APBB1IP: variants seen among roughly 807,000 people sequenced by gnomAD.
The protein encoded by APBB1IP is amyloid beta A4 precursor protein-binding family B member 1-interacting protein.
APBB1IP carries 27 observed loss-of-function variants against 64.9 expected under a neutral mutation model. The ratio of observed to expected loss-of-function variants is 0.42; its 90% confidence interval spans 0.31 to 0.57. The LOEUF (loss-of-function observed/expected upper bound fraction) is 0.57. Among genes scored for constraint, APBB1IP ranks in the 20% least tolerant of loss-of-function variants. APBB1IP has a pLI of 0.20. For missense variants in APBB1IP, 812 were observed against 845.5 expected (o/e 0.96, Z 0.49); for synonymous variants, 392 against 331.0 (o/e 1.18, Z -2.00).
At position 26,503,279 on chromosome 10, in the gene APBB1IP, A is replaced by G; in HGVS notation, c.531+5A>G. The G allele has an allele frequency of 6.2e-7, 1 of 1,613,980 alleles. No individual in the cohort carries two copies. Among genetic ancestry groups the G allele is most frequent in the East Asian group, 2.2e-5 (1 of 44,858 alleles). ...AAGGAGGCCAAGGTTAAGAAGGTGA[A>G]TCATGAATCCCTTTTGCATGGGGGC... On this transcript the variant is annotated splice_donor_5th_base_variant and intron_variant, in intron 6 of 14. Coordinates refer to ENST00000376236, the MANE Select transcript of APBB1IP (RefSeq NM_019043.4).
At chr10:26,465,255 T>C (rs1465652908) in intron 2 of APBB1IP, among the ~76,000 whole-genome samples, 1 of 152,246 alleles carries the variant, frequency 6.6e-6, no homozygotes, top group Admixed American at 6.5e-5. Flanking sequence ...GAGCATAAAA[T>C]GTGATCAGAT....
At chr10:26,474,346 T>C (rs1835752888) in intron 2 of APBB1IP, among the ~76,000 whole-genome samples, 1 of 152,202 alleles carries the variant, frequency 6.6e-6, no homozygotes, top group African/African-American at 2.4e-5. Flanking sequence ...CTTCATTGCT[T>C]GGAATCTTTA....
intron 8 of APBB1IP, among the ~76,000 whole-genome samples, chr10:26,516,823 G>A (rs1836337340): frequency 6.6e-6 from 1 of 152,150 alleles, no homozygotes; most frequent in African/African-American, 2.4e-5. Context: ...ATTCCTTTTG[G>A]CAGCGTGAAC....
intron 8 of APBB1IP, among the ~76,000 whole-genome samples, chr10:26,528,519 G>T (rs1218256225): frequency 1.3e-5 from 2 of 152,146 alleles, no homozygotes; most frequent in Non-Finnish European, 2.9e-5. Flanking sequence ...TCTCTAGACT[G>T]TGGCTCATTT....
At chr10:26,533,010 G>A (rs1836573671) in intron 8 of APBB1IP, among the ~76,000 whole-genome samples, 1 of 152,212 alleles carries the variant, frequency 6.6e-6, no homozygotes, top group South Asian at 2.1e-4. Context: ...AGCCTACAAG[G>A]CCTTGAGCTC....
intron 11 of APBB1IP, among the ~76,000 whole-genome samples, chr10:26,543,422 G>A (rs1410943026): frequency 4.0e-5 from 6 of 148,714 alleles, no homozygotes; most frequent in South Asian, 4.3e-4. Context: ...AGCCGAGATC[G>A]CACCACTGCA....
intron 8 of APBB1IP, among the ~76,000 whole-genome samples, chr10:26,518,112 G>C (rs1836355129): frequency 6.6e-6 from 1 of 151,788 alleles, no homozygotes; most frequent in Non-Finnish European, 1.5e-5. Flanking sequence ...CCACCACCAT[G>C]CCTGGCTAAT....
rs908316983 is a variant in APBB1IP, at chr10:26,461,359, G to A, written c.-1+22506G>A. The stretch of plus-strand genomic sequence containing the variant: ...AATATATAGCCGATTATTTCAATAC[G>A]ACTCATTAAATACTCTGTTATTTTT... On this transcript the variant is annotated intron_variant, in intron 2 of 14. Transcript: ENST00000376236. Among the ~76,000 whole-genome samples the A allele has an allele frequency of 2.0e-4, 30 of 152,096 alleles. No individual in the cohort carries two copies. In the East Asian group the frequency reaches 4.4e-3, roughly 23 times the overall value.
At chr10:26,539,128 TG>T (rs1836665029) in intron 10 of APBB1IP, among the ~76,000 whole-genome samples, 9 of 152,258 alleles carry the variant, frequency 5.9e-5, no homozygotes, top group Admixed American at 5.9e-4. Flanking sequence ...AAACAGAGGC[TG>T]GCTGGGTGCG....
chr10:26,457,301 C>T (rs188706639), intron 2 of APBB1IP, among the ~76,000 whole-genome samples: 57 of 152,232 alleles, frequency 3.7e-4, no homozygotes, highest in Admixed American at 3.6e-3. Flanking sequence ...TGGTAACTAT[C>T]GCATTTGAAT....
intron 8 of APBB1IP, among the ~76,000 whole-genome samples, chr10:26,527,685 C>CTTTTTTT (rs768509910): frequency 2.9e-4 from 20 of 68,626 alleles, no homozygotes; most frequent in African/African-American, 3.6e-4. Context: ...AGGTCCATGT[C>CTTTTTTT]TTTTTTTTTT....
chr10:26,445,176 GA>G (rs1835382772), intron 2 of APBB1IP, among the ~76,000 whole-genome samples: 1 of 138,654 alleles, frequency 7.2e-6, no homozygotes, highest in Non-Finnish European at 1.6e-5. Context: ...AAGAAAGAAA[GA>G]AAGAAAGAAA....
chr10:26,459,187 G>A (rs1835562084), intron 2 of APBB1IP, among the ~76,000 whole-genome samples: 2 of 148,834 alleles, frequency 1.3e-5, no homozygotes, highest in South Asian at 4.3e-4. Context: ...AGAACATGCG[G>A]TGTTTGGTTT....
chr10:26,465,784 A>G (rs1835641381), intron 2 of APBB1IP, among the ~76,000 whole-genome samples: 2 of 152,202 alleles, frequency 1.3e-5, no homozygotes, highest in South Asian at 4.1e-4. Context: ...CACTTGCACA[A>G]TGAGGATAAT....
chr10:26,491,050 G>A (rs996232068), intron 2 of APBB1IP, among the ~76,000 whole-genome samples: 3 of 152,070 alleles, frequency 2.0e-5, no homozygotes, highest in Admixed American at 6.6e-5. Flanking sequence ...AAGTCGAGGC[G>A]AGTGGATCAC....
At chr10:26,447,904 G>A (rs12184390) in intron 2 of APBB1IP, among the ~76,000 whole-genome samples, 8,113 of 152,010 alleles carry the variant, frequency 0.053, 301 homozygotes, top group Non-Finnish European at 0.078. Context: ...CCAAAGTGCC[G>A]GGATTATAGG....
intron 11 of APBB1IP, among the ~76,000 whole-genome samples, chr10:26,559,248 A>G (rs1328926054): frequency 6.6e-6 from 1 of 152,164 alleles, no homozygotes; most frequent in Non-Finnish European, 1.5e-5. Flanking sequence ...ATAAATGAAA[A>G]TTATTATTGA....
At chr10:26,460,384 A>T (rs540362678) in intron 2 of APBB1IP, among the ~76,000 whole-genome samples, 1 of 152,056 alleles carries the variant, frequency 6.6e-6, no homozygotes, top group Non-Finnish European at 1.5e-5. Flanking sequence ...CCTCACATTG[A>T]CTCCCCAGCA....
chr10:26,497,198 A>G (rs1211642976), intron 4 of APBB1IP, among the ~76,000 whole-genome samples: 7 of 152,046 alleles, frequency 4.6e-5, no homozygotes, highest in African/African-American at 1.7e-4. Flanking sequence ...AAACAAAACA[A>G]AACAAAAACT....
Sources: gnomAD v4.1 joint callset for allele counts (sites outside exome capture counted in the v4.1 genomes callset) on GRCh38, gnomAD v4.1.1 for gene constraint, MANE v1.5 for transcripts, NCBI Gene and HGNC (gene_info 2026-07-23, HGNC 2026-07-21) for gene names.